Variants in LIMS4 observed in about 807,000 individuals in gnomAD.
The protein encoded by LIMS4 is LIM zinc finger domain containing 4, also known as LIM and senescent cell antigen-like-containing domain protein 4.
the LIMS4 span, among the ~76,000 whole-genome samples, chr2:110,424,436 C>T: frequency 8.1e-6 from 1 of 123,934 alleles, no homozygotes; most frequent in South Asian, 2.8e-4. Context: ...TTTTTTAAAA[C>T]GTTGATCATG....
the LIMS4 span, chr2:110,387,751 GC>G: frequency 5.9e-6 from 1 of 168,094 alleles, no homozygotes; most frequent in Non-Finnish European, 1.3e-5. Flanking sequence ...GCCTCGGCCT[GC>G]CAAAGTGCTG....
the LIMS4 span, among the ~76,000 whole-genome samples, chr2:110,425,009 C>T: frequency 7.0e-6 from 1 of 143,798 alleles, no homozygotes; most frequent in African/African-American, 2.9e-5. Context: ...GGGTCCCGGT[C>T]AGCTTTGCGG....
chr2:110,372,096 G>A, the LIMS4 span, among the ~76,000 whole-genome samples: 1 of 146,280 alleles, frequency 6.8e-6, no homozygotes, highest in South Asian at 2.2e-4. Flanking sequence ...GAGAGAGAGG[G>A]TTAATGTTAA....
chr2:110,361,889 T>G, the LIMS4 span: 1 of 1,369,226 alleles, frequency 7.3e-7, no homozygotes, highest in South Asian at 1.2e-5. Flanking sequence ...AATAGGACAC[T>G]TGTAGAAGAC....
At chr2:110,363,923 G>A in the LIMS4 span, among the ~76,000 whole-genome samples, 1 of 151,650 alleles carries the variant, frequency 6.6e-6, no homozygotes, top group Admixed American at 6.6e-5. Context: ...TCAGGAGGCT[G>A]AGGCAGGCGG....
At chr2:110,361,913 C>A in the LIMS4 span, 6 of 1,453,368 alleles carry the variant, frequency 4.1e-6, no homozygotes, top group South Asian at 2.3e-5. Flanking sequence ...ACAGTGAGAA[C>A]CTTGAAGGCG....
the LIMS4 span, chr2:110,362,195 G>A: frequency 1.3e-6 from 1 of 764,336 alleles, no homozygotes; most frequent in African/African-American, 1.8e-5. Context: ...GTCTTGTCCT[G>A]GAAGATTTCA....
At chr2:110,382,124 T>A in the LIMS4 span, among the ~76,000 whole-genome samples, 3 of 98,202 alleles carry the variant, frequency 3.1e-5, no homozygotes, top group African/African-American at 1.1e-4. Context: ...TATATATATA[T>A]ATATATATAT....
At chr2:110,442,740 C>G (rs1309576568), downstream of LIMS4, among the ~76,000 whole-genome samples, 6 of 149,156 alleles carry the variant, frequency 4.0e-5, no homozygotes, top group African/African-American at 1.5e-4. Flanking sequence ...GCTCTGTCAC[C>G]CAGGCTGGAG....
chr2:110,422,489 T>C, the LIMS4 span, among the ~76,000 whole-genome samples: 5 of 123,496 alleles, frequency 4.0e-5, no homozygotes, highest in African/African-American at 1.4e-4. Flanking sequence ...TTTTTTTTTT[T>C]TTTTTTTTTT....
the LIMS4 span, among the ~76,000 whole-genome samples, chr2:110,359,366 C>CA: frequency 1.0e-5 from 1 of 96,090 alleles, no homozygotes; most frequent in Admixed American, 1.2e-4. Flanking sequence ...AAAACAAAAC[C>CA]AAAAAATATA....
At chr2:110,397,477 G>C in the LIMS4 span, 1 of 130,304 alleles carries the variant, frequency 7.7e-6, no homozygotes, top group Non-Finnish European at 1.6e-5. Flanking sequence ...TGATAATGTA[G>C]ATTATAAAGT....
chr2:110,390,341 G>A, the LIMS4 span, among the ~76,000 whole-genome samples: 16 of 136,846 alleles, frequency 1.2e-4, no homozygotes, highest in East Asian at 6.6e-4. Flanking sequence ...AAGTGGAGCC[G>A]GGGCCACCTC....
chr2:110,411,443 A>G, the LIMS4 span, among the ~76,000 whole-genome samples: 1 of 137,360 alleles, frequency 7.3e-6, no homozygotes. Context: ...ATACTTGAAG[A>G]GTTCTGACAT....
chr2:110,397,179 G>C, the LIMS4 span, among the ~76,000 whole-genome samples: 1 of 67,562 alleles, frequency 1.5e-5, no homozygotes, highest in South Asian at 6.9e-4. Context: ...GATTTAAATT[G>C]ACTCGGGGAG....
chr2:110,425,787 G>A, the LIMS4 span, among the ~76,000 whole-genome samples: 1 of 139,026 alleles, frequency 7.2e-6, no homozygotes, highest in Non-Finnish European at 1.5e-5. Context: ...CTTGCAGAAA[G>A]GAACACAATT....
At chr2:110,419,708 A>G in the LIMS4 span, among the ~76,000 whole-genome samples, 1 of 29,142 alleles carries the variant, frequency 3.4e-5, no homozygotes, top group Non-Finnish European at 5.3e-5. Context: ...AAAACAGCCA[A>G]TATGTCTTGG....
the LIMS4 span, among the ~76,000 whole-genome samples, chr2:110,424,972 C>G: frequency 2.1e-5 from 3 of 144,040 alleles, no homozygotes; most frequent in Admixed American, 2.1e-4. Flanking sequence ...AGCTGGCCAC[C>G]ACCCCAGCCG....
At chr2:110,397,295 T>G in the LIMS4 span, 1 of 139,788 alleles carries the variant, frequency 7.2e-6, no homozygotes, top group Non-Finnish European at 1.6e-5. Context: ...GTCATACTTT[T>G]GTCTATTATA....
Sources: gnomAD v4.1 joint callset for allele counts (sites outside exome capture counted in the v4.1 genomes callset) on GRCh38, gnomAD v4.1.1 for gene constraint, MANE v1.5 for transcripts, NCBI Gene and HGNC (gene_info 2026-07-23, HGNC 2026-07-21) for gene names.